RIMS3: variants seen among roughly 807,000 people sequenced by gnomAD.
RIMS3 encodes regulating synaptic membrane exocytosis protein 3.
Under a neutral mutation model 29.2 loss-of-function variants are expected in RIMS3, and 15 were observed. The ratio of observed to expected loss-of-function variants is 0.51; its 90% confidence interval spans 0.34 to 0.79. The LOEUF (loss-of-function observed/expected upper bound fraction) is 0.79, where lower values mean the gene tolerates loss of function less well. RIMS3 is among the 30% of genes least tolerant of loss of function. RIMS3 has a pLI of 0.01. For synonymous variants in RIMS3, 161 were observed against 170.1 expected, an observed-to-expected ratio of 0.95 and a Z score of 0.41; for missense variants, 342 against 421.4, an observed-to-expected ratio of 0.81 and a Z score of 1.65.
chr1:40,628,879 C>G lies in RIMS3; in HGVS notation c.645G>C (p.Lys215Asn). 6.2e-7 allele frequency: 1 copy of G among 1,614,066 alleles called. No homozygotes were observed. Among genetic ancestry groups the G allele is most frequent in the Non-Finnish European group, 8.5e-7 (1 of 1,180,038 alleles). ...GCTGGTACAGGGGATCACAGGTCTT[C>G]TTGGTCATCTTTGTCTTCTTCTTGG... is the stretch of plus-strand genomic sequence containing the variant. ...CLAKKKTKMT[K>N]KTCDPLYQQA... Residue 215 changes from lysine to asparagine, a missense_variant, in exon 7 of 8, where the codon AAG becomes AAC. By Grantham distance (94) the Lys-to-Asn change is moderately conservative (BLOSUM62 0). Transcript: ENST00000372684.
At chr1:40,667,684 A>G (rs1274652653), upstream of RIMS3, among the ~76,000 whole-genome samples, 3 of 152,216 alleles carry the variant, frequency 2.0e-5, no homozygotes, top group African/African-American at 7.2e-5. Context: ...AAAGTAATGA[A>G]AAGGGATTTG....
At chr1:40,676,625 A>T in the RIMS3 span, among the ~76,000 whole-genome samples, 1 of 152,152 alleles carries the variant, frequency 6.6e-6, no homozygotes, top group East Asian at 1.9e-4. Flanking sequence ...TTTCAGTGCC[A>T]AATCTGCTCT....
chr1:40,629,824 C>T (rs1646478035), intron 5 of RIMS3, among the ~76,000 whole-genome samples: 1 of 152,052 alleles, frequency 6.6e-6, no homozygotes, highest in African/African-American at 2.4e-5. Flanking sequence ...CACCTGTAAT[C>T]CCAACACTTT....
chr1:40,621,504 C>T lies in RIMS3; in HGVS notation c.*5013G>A, dbSNP rs1181364372. On this transcript the variant is annotated 3_prime_UTR_variant, in exon 8 of 8. Transcript: ENST00000372684. ...CCTGGGCATCAGGGGCTGAAGGAAA[C>T]CAGCCCACGGAGACAGGAACCAGGT... 6.6e-6 allele frequency: 1 copy of T among 152,164 alleles called. No individual in the cohort carries two copies. Among genetic ancestry groups the T allele is most frequent in the African/African-American group, 2.4e-5 (1 of 41,426 alleles). The allele number at this position is 152,164 out of a possible 1,614,324, so 9.4% of individuals were successfully genotyped here.
chr1:40,641,761 G>A lies in RIMS3; in HGVS notation c.165C>T (p.Ala55=), dbSNP rs2148350189. 1 of 1,613,876 alleles carries A rather than the reference G, an allele frequency of 6.2e-7. No homozygotes were observed. ...RRSSLGAKMV[A]IVGLTQWSKS... is the part of the protein sequence containing the mutation. ...TGCTCCACTGAGTCAGGCCCACGAT[G>A]GCCACCATCTTGGCACCCAGGCTGC... The change falls in exon 3 of 8, where the codon GCC becomes GCT. Residue 55 remains alanine (A), a synonymous_variant. Transcript: ENST00000372684.
chr1:40,643,600 C>T (rs1361987898), intron 2 of RIMS3, among the ~76,000 whole-genome samples: 1 of 151,902 alleles, frequency 6.6e-6, no homozygotes, highest in Non-Finnish European at 1.5e-5. Flanking sequence ...CCTTAGCCTC[C>T]CAAGCAGCTT....
chr1:40,650,132 CA>C (rs1047757589), intron 1 of RIMS3, among the ~76,000 whole-genome samples: 56 of 152,258 alleles, frequency 3.7e-4, no homozygotes, highest in African/African-American at 1.3e-3. Flanking sequence ...TCAGAACACA[CA>C]AGGGTAAGGC....
chr1:40,675,701 T>A, the RIMS3 span, among the ~76,000 whole-genome samples: 4 of 142,732 alleles, frequency 2.8e-5, no homozygotes, highest in African/African-American at 1.1e-4. Context: ...GAGGTTGCGG[T>A]GAGCTGAGAT....
Position 40,641,871 on chromosome 1 carries a change from G to A in RIMS3, c.55C>T (p.Arg19Trp). 1.9e-6 allele frequency: 3 copies of A among 1,613,604 alleles called. No individual in the cohort carries two copies. Among genetic ancestry groups the A allele is most frequent in the East Asian group, 2.2e-5 (1 of 44,872 alleles). The part of the protein sequence containing the change: ...ASSGASRNVV[R>W]SSSISGEICG... ...ATTTCACCGCTAATGCTGGAGCTCC[G>A]CACCACATTCCTGGAGGCCCCAGAT... Residue 19 changes from arginine to tryptophan, a missense_variant, in exon 3 of 8, where the codon CGG (arginine) becomes TGG (tryptophan). Transcript: ENST00000372684.
chr1:40,688,126 G>T, the RIMS3 span, among the ~76,000 whole-genome samples: 1 of 152,030 alleles, frequency 6.6e-6, no homozygotes, highest in Non-Finnish European at 1.5e-5. Context: ...CACCATGCCC[G>T]GCTAATTTTT....
intron 1 of RIMS3, among the ~76,000 whole-genome samples, chr1:40,663,477 C>T (rs891600080): frequency 6.6e-6 from 1 of 152,178 alleles, no homozygotes; most frequent in African/African-American, 2.4e-5. Flanking sequence ...CCCCCCTCCC[C>T]AGGGACCCTC....
At chr1:40,646,766 G>A (rs914042671) in intron 2 of RIMS3, among the ~76,000 whole-genome samples, 1 of 152,050 alleles carries the variant, frequency 6.6e-6, no homozygotes, top group Non-Finnish European at 1.5e-5. Flanking sequence ...TGGGGTCTCA[G>A]TACCCTAAAA....
At chr1:40,667,828 T>C (rs1642444056), upstream of RIMS3, among the ~76,000 whole-genome samples, 1 of 152,150 alleles carries the variant, frequency 6.6e-6, no homozygotes, top group Admixed American at 6.5e-5. Context: ...ATTCAATGTA[T>C]GATAAAGATA....
At chr1:40,667,899 C>T (rs562199846), upstream of RIMS3, among the ~76,000 whole-genome samples, 9 of 152,250 alleles carry the variant, frequency 5.9e-5, no homozygotes, top group East Asian at 5.8e-4. Context: ...GAGGTTGAGG[C>T]GGGCAGATCA....
At chr1:40,629,066 C>T in intron 6 of RIMS3, 117 bp from the exon 7 acceptor site, 2 of 1,315,840 alleles carry the variant, frequency 1.5e-6, no homozygotes, top group Non-Finnish European at 1.1e-6. Context: ...ATGAGCCAGC[C>T]AGTGGACAGC....
At chr1:40,685,473 C>G in the RIMS3 span, among the ~76,000 whole-genome samples, 1 of 151,232 alleles carries the variant, frequency 6.6e-6, no homozygotes, top group African/African-American at 2.4e-5. Flanking sequence ...GAGTGAAGGA[C>G]AGAGGGAAGG....
chr1:40,628,683 A>C, intron 7 of RIMS3, 127 bp downstream of exon 7: 1 of 1,305,242 alleles, frequency 7.7e-7, no homozygotes, highest in Non-Finnish European at 1.1e-6. Context: ...TTGTGAAAGT[A>C]AATGAGTAAC....
At chr1:40,632,165 C>T (rs528621995) in intron 5 of RIMS3, among the ~76,000 whole-genome samples, 1 of 152,062 alleles carries the variant, frequency 6.6e-6, no homozygotes, top group Admixed American at 6.5e-5. Flanking sequence ...ACTACAGGCA[C>T]AGGCCACTGC....
At chr1:40,674,796 C>A in the RIMS3 span, among the ~76,000 whole-genome samples, 5 of 152,308 alleles carry the variant, frequency 3.3e-5, no homozygotes, top group East Asian at 7.7e-4. Context: ...CAGGTGTGCA[C>A]CCCTAAACCT....
Sources: gnomAD v4.1 joint callset for allele counts (sites outside exome capture counted in the v4.1 genomes callset) on GRCh38, gnomAD v4.1.1 for gene constraint, MANE v1.5 for transcripts, NCBI Gene and HGNC (gene_info 2026-07-23, HGNC 2026-07-21) for gene names.